Variants in BRI3 observed in about 807,000 individuals in gnomAD.
BRI3 encodes membrane protein BRI3.
A neutral mutation model predicts 12.8 loss-of-function variants in BRI3; 6 were observed. The observed-to-expected ratio is 0.47, with a 90% CI of 0.26 to 0.93. BRI3 has a LOEUF of 0.93. Ranked by LOEUF, BRI3 falls within the 40% of genes least tolerant of loss-of-function variation. The pLI is 0.15. For synonymous variants in BRI3, 91 were observed against 76.1 expected (o/e 1.20, Z -1.02); for missense variants, 134 against 171.1 (o/e 0.78, Z 1.21).
chr7:98,292,999 A>G, downstream of BRI3: 1 of 1,135,650 alleles, frequency 8.8e-7, no homozygotes, highest in South Asian at 3.6e-5. Context: ...CTCTACACTT[A>G]AACATTTTAA....
intron 2 of BRI3, among the ~76,000 whole-genome samples, chr7:98,288,591 A>AGCCCC (rs1799790682): frequency 1.4e-5 from 2 of 139,998 alleles, no homozygotes; most frequent in South Asian, 4.6e-4. Flanking sequence ...AGCCCAGCTC[A>AGCCCC]GCCCCTCCAC....
chr7:98,319,961 T>C, the BRI3 span: 1 of 959,568 alleles, frequency 1.0e-6, no homozygotes, highest in African/African-American at 1.6e-5. Context: ...GCTTCTCTCC[T>C]GTCTGCTGCT....
chr7:98,322,172 A>C, the BRI3 span, among the ~76,000 whole-genome samples: 5 of 152,056 alleles, frequency 3.3e-5, no homozygotes, highest in East Asian at 9.7e-4. Flanking sequence ...ACTGTGGTAG[A>C]ATATGGGGAG....
At chr7:98,298,482 G>A (rs971738970) in intron 1 of BRI3, among the ~76,000 whole-genome samples, 3 of 151,900 alleles carry the variant, frequency 2.0e-5, no homozygotes, top group South Asian at 2.1e-4. Flanking sequence ...GCGTAGTGGC[G>A]GGCGCCTGTA....
At chr7:98,315,713 C>T in the BRI3 span, 54 of 508,104 alleles carry the variant, frequency 1.1e-4, no homozygotes, top group Admixed American at 6.5e-4. Context: ...TTTACACCTG[C>T]TTTATTTGAA....
chr7:98,319,479 G>A, the BRI3 span, among the ~76,000 whole-genome samples: 2 of 152,044 alleles, frequency 1.3e-5, no homozygotes, highest in Admixed American at 6.6e-5. Flanking sequence ...GTCCTACAGC[G>A]TGAATGTATT....
chr7:98,292,658 C>G, downstream of BRI3: 1 of 1,551,688 alleles, frequency 6.4e-7, no homozygotes, highest in Middle Eastern at 1.7e-4. Flanking sequence ...GTCATCCTGG[C>G]TTTACACGTA....
intron 2 of BRI3, among the ~76,000 whole-genome samples, chr7:98,288,240 G>A (rs957693657): frequency 4.6e-5 from 7 of 152,188 alleles, no homozygotes; most frequent in African/African-American, 9.7e-5. Context: ...CAGCTCCCCC[G>A]GAACCTGTCA....
the BRI3 span, among the ~76,000 whole-genome samples, chr7:98,321,189 C>T: frequency 6.6e-6 from 1 of 152,150 alleles, no homozygotes; most frequent in Admixed American, 6.6e-5. Context: ...CACTTTTTCC[C>T]TAAGCCAAGT....
chr7:98,305,992 G>C (rs899256832), upstream of BRI3, among the ~76,000 whole-genome samples: 1 of 152,154 alleles, frequency 6.6e-6, no homozygotes, highest in African/African-American at 2.4e-5. Flanking sequence ...TTTAATTGAT[G>C]GGCAGAAGAG....
Position 98,291,473 on chromosome 7 carries a change from A to G in BRI3, c.*230A>G, listed in dbSNP as rs1799952537. 1 of 1,354,528 alleles carries G rather than the reference A, an allele frequency of 7.4e-7. No homozygotes were observed. 83.9% of individuals were successfully genotyped at this position (1,354,528 alleles called of 1,614,324 possible). On this transcript the variant is annotated 3_prime_UTR_variant, in exon 3 of 3. Coordinates refer to ENST00000297290, the MANE Select transcript of BRI3 (RefSeq NM_015379.5). Reference sequence around the variant, plus strand: ...ACTGCTTTTATTTTTTGCAGTCTTCAATTTGAGAAAGGTGAGAAATAATGT... The same window carrying G: ...ACTGCTTTTATTTTTTGCAGTCTTCGATTTGAGAAAGGTGAGAAATAATGT...
the BRI3 span, among the ~76,000 whole-genome samples, chr7:98,316,072 T>C: frequency 0.024 from 3,636 of 152,264 alleles, 55 homozygotes; most frequent in South Asian, 0.052. Flanking sequence ...AATTGAATCA[T>C]GGGGGCAGGT....
chr7:98,293,978 T>C, downstream of BRI3: 2 of 1,396,112 alleles, frequency 1.4e-6, no homozygotes, highest in Non-Finnish European at 2.0e-6. Context: ...TTTCTCAGGC[T>C]GGACCCCCTG....
intron 2 of BRI3, among the ~76,000 whole-genome samples, chr7:98,284,529 C>T (rs1279404545): frequency 6.6e-6 from 1 of 152,182 alleles, no homozygotes; most frequent in Non-Finnish European, 1.5e-5. Context: ...ACACGTCTGG[C>T]CGCTGCCTGG....
chr7:98,286,474 G>A (rs1216978444), intron 2 of BRI3, among the ~76,000 whole-genome samples: 2 of 152,200 alleles, frequency 1.3e-5, no homozygotes, highest in Non-Finnish European at 2.9e-5. Context: ...ATGGGGGAGG[G>A]GCGGCTAGAG....
chr7:98,292,559 C>A, downstream of BRI3: 2 of 1,361,650 alleles, frequency 1.5e-6, no homozygotes, highest in Non-Finnish European at 2.1e-6. Flanking sequence ...GCAGCCAGTG[C>A]GTAGTCCTCA....
At chr7:98,295,700 G>A (rs917167482), downstream of BRI3, among the ~76,000 whole-genome samples, 5 of 152,046 alleles carry the variant, frequency 3.3e-5, no homozygotes, top group African/African-American at 1.2e-4. Flanking sequence ...TCCCTCACAT[G>A]TGCAGCTTAT....
intron 2 of BRI3, among the ~76,000 whole-genome samples, chr7:98,286,322 C>G (rs1159819849): frequency 2.6e-5 from 4 of 152,304 alleles, no homozygotes; most frequent in African/African-American, 9.6e-5. Flanking sequence ...GGGCCCAGCT[C>G]TGAGTGGATG....
downstream of BRI3, chr7:98,293,360 C>T (rs1351526839): frequency 1.7e-5 from 11 of 647,112 alleles, no homozygotes; most frequent in Admixed American, 5.6e-5. Context: ...CTTGTCAACC[C>T]AACTACGTGA....
Sources: gnomAD v4.1 joint callset for allele counts (sites outside exome capture counted in the v4.1 genomes callset) on GRCh38, gnomAD v4.1.1 for gene constraint, MANE v1.5 for transcripts, NCBI Gene and HGNC (gene_info 2026-07-23, HGNC 2026-07-21) for gene names.